Variants in MYRIP observed in about 807,000 individuals in gnomAD.
The protein encoded by MYRIP is myosin VIIA and Rab interacting protein, also known as rab effector MyRIP.
MYRIP carries 49 observed loss-of-function variants against 98.0 expected under a neutral mutation model. The ratio of observed to expected loss-of-function variants is 0.50; its 90% CI spans 0.40 to 0.63. The LOEUF is 0.63. Ranked by LOEUF, MYRIP falls within the 30% of genes least tolerant of loss-of-function variation. The pLI, the probability that MYRIP is intolerant of heterozygous loss-of-function variation, is 0.00. For missense variants in MYRIP, 1,004 were observed against 1,058.2 expected (o/e 0.95, Z 0.71); for synonymous variants, 404 against 409.5 (o/e 0.99, Z 0.16).
At chr3:39,918,633 G>A (rs539751301) in intron 2 of MYRIP, among the ~76,000 whole-genome samples, 68 of 152,270 alleles carry the variant, frequency 4.5e-4, no homozygotes, top group African/African-American at 1.6e-3. Flanking sequence ...GATTAATAGG[G>A]GAAATGGCAT....
At chr3:40,250,548 A>G in intron 15 of MYRIP, 49 bp downstream of exon 15, 1 of 1,598,826 alleles carries the variant, frequency 6.3e-7, no homozygotes, top group Non-Finnish European at 8.6e-7. Flanking sequence ...AGCCTGAATC[A>G]TTTACTTTGG....
At chr3:39,977,582 T>C (rs1410355197) in intron 2 of MYRIP, among the ~76,000 whole-genome samples, 1 of 152,194 alleles carries the variant, frequency 6.6e-6, no homozygotes, top group East Asian at 1.9e-4. Flanking sequence ...TAAAAGTGCT[T>C]GGCATGGTAA....
At chr3:39,960,661 A>G (rs867429027) in intron 2 of MYRIP, among the ~76,000 whole-genome samples, 4 of 152,120 alleles carry the variant, frequency 2.6e-5, no homozygotes, top group Non-Finnish European at 1.5e-5. Context: ...GGCGCCACAT[A>G]TATGTGTTGT....
chr3:40,209,391 G>A (rs1406263412), intron 10 of MYRIP: 5 of 154,496 alleles, frequency 3.2e-5, no homozygotes, highest in African/African-American at 9.6e-5. Flanking sequence ...TAATTATCCT[G>A]ATTTGATCAT....
chr3:40,237,977 T>G (rs1575668076), intron 12 of MYRIP, among the ~76,000 whole-genome samples: 1 of 152,100 alleles, frequency 6.6e-6, no homozygotes, highest in South Asian at 2.1e-4. Context: ...TAATTGTATG[T>G]TTTTTTTCCT....
intron 3 of MYRIP, among the ~76,000 whole-genome samples, chr3:40,052,260 C>T (rs182861122): frequency 1.3e-4 from 20 of 152,100 alleles, no homozygotes; most frequent in African/African-American, 4.3e-4. Context: ...ACTTTTTTAG[C>T]GCCCACATAT....
chr3:40,258,281 G>A lies in MYRIP; in HGVS notation c.*115G>A, dbSNP rs1575691296. ...TCCACCTGAGGAGAAGGCCTGGGGAGGCCACAGTGCACCATTGCACAGGGC... is the reference window on the plus strand; with the variant it reads ...TCCACCTGAGGAGAAGGCCTGGGGAAGCCACAGTGCACCATTGCACAGGGC... On this transcript the variant is annotated 3_prime_UTR_variant, in exon 17 of 17. Transcript: ENST00000302541. 7.9e-7 allele frequency: 1 copy of A among 1,261,774 alleles called. No individual in the cohort carries two copies. Among genetic ancestry groups the A allele is most frequent in the Non-Finnish European group, 1.2e-6 (1 of 866,530 alleles). The allele number at this position is 1,261,774 out of a possible 1,614,324, so 78.2% of individuals were successfully genotyped here. A position where few individuals can be genotyped will look rare whatever the true frequency, so the allele number is the denominator to read the frequency against.
intron 3 of MYRIP, among the ~76,000 whole-genome samples, chr3:40,078,212 CTGCTCCGAG>C (rs1302453788): frequency 3.3e-5 from 5 of 152,242 alleles, no homozygotes; most frequent in Non-Finnish European, 7.3e-5. Context: ...GGCCAGCTGG[CTGCTCCGAG>C]TGCGGCCCGC....
chr3:39,888,928 A>G (rs1260380987), intron 1 of MYRIP, among the ~76,000 whole-genome samples: 4 of 152,208 alleles, frequency 2.6e-5, no homozygotes, highest in African/African-American at 9.6e-5. Flanking sequence ...ACATGAAAAA[A>G]TGCTCACCAT....
chr3:39,987,134 T>A (rs1415101288), intron 2 of MYRIP, among the ~76,000 whole-genome samples: 1 of 152,114 alleles, frequency 6.6e-6, no homozygotes, highest in Admixed American at 6.6e-5. Flanking sequence ...ATTCGTTATT[T>A]GTCCTAATGC....
chr3:39,855,178 C>T (rs555529830), intron 1 of MYRIP, among the ~76,000 whole-genome samples: 13 of 152,296 alleles, frequency 8.5e-5, no homozygotes, highest in South Asian at 2.1e-4. Context: ...TTAGCCAAGA[C>T]GTTGCAGTTA....
At chr3:40,229,592 T>C (rs1952591104) in intron 11 of MYRIP, among the ~76,000 whole-genome samples, 1 of 152,234 alleles carries the variant, frequency 6.6e-6, no homozygotes, top group African/African-American at 2.4e-5. Context: ...GGAAACTCCA[T>C]CTCAGGCTGA....
At chr3:40,147,433 CAT>C (rs756063684) in intron 3 of MYRIP, among the ~76,000 whole-genome samples, 14 of 152,250 alleles carry the variant, frequency 9.2e-5, no homozygotes, top group African/African-American at 2.6e-4. Flanking sequence ...AACAAATGCA[CAT>C]GTCTTGACCG....
At chr3:40,239,529 G>A (rs1434223027) in intron 12 of MYRIP, among the ~76,000 whole-genome samples, 1 of 135,856 alleles carries the variant, frequency 7.4e-6, no homozygotes, top group East Asian at 2.1e-4. Context: ...CACCAACAGT[G>A]TAAAAGTGTT....
chr3:39,904,106 T>C (rs1394479342), intron 2 of MYRIP, among the ~76,000 whole-genome samples: 3 of 152,242 alleles, frequency 2.0e-5, no homozygotes, highest in Admixed American at 6.5e-5. Flanking sequence ...ATGGTTAGGC[T>C]GATTAGACTT....
In MYRIP at chr3:39,939,286, C is replaced by A. The variant is rs181979874; in HGVS notation, c.110+38360C>A. 1.2e-3 allele frequency among the ~76,000 whole-genome samples: 188 copies of A among 152,222 alleles called. 1 individual carries two copies. Among genetic ancestry groups the A allele is most frequent in the African/African-American group, 4.2e-3 (176 of 41,542 alleles). On this transcript the variant is annotated intron_variant, in intron 2 of 16. Transcript: ENST00000302541. ...CATGAAACAGCTCAAGAAAGAGCAGCCAGTTCAAAGCAGAGCTTTCAGCAG... is the reference window on the plus strand; with the variant it reads ...CATGAAACAGCTCAAGAAAGAGCAGACAGTTCAAAGCAGAGCTTTCAGCAG...
At chr3:40,030,268 A>G (rs534085022) in intron 2 of MYRIP, among the ~76,000 whole-genome samples, 70 of 152,268 alleles carry the variant, frequency 4.6e-4, no homozygotes, top group African/African-American at 1.6e-3. Context: ...TCATTAGGGA[A>G]GTGCAAGTCA....
rs368137862 is a variant in MYRIP at position 39,936,304 on chromosome 3, A to C, written c.110+35378A>C. On this transcript the variant is annotated intron_variant, in intron 2 of 16. Coordinates refer to ENST00000302541, the MANE Select transcript of MYRIP (RefSeq NM_015460.4). The stretch of plus-strand genomic sequence containing the variant: ...GAATCCTCAAGATTAATATTTGTGG[A>C]GAATCTGGAAACACTAGCCTTGGCT... Among the ~76,000 whole-genome samples the C allele has an allele frequency of 1.4e-4, 21 of 152,314 alleles. No individual in the cohort carries two copies. In the East Asian group the frequency reaches 3.1e-3, roughly 22 times the overall value.
At chr3:39,946,461 C>A (rs1436253184) in intron 2 of MYRIP, among the ~76,000 whole-genome samples, 2 of 151,872 alleles carry the variant, frequency 1.3e-5, no homozygotes, top group African/African-American at 4.8e-5. Flanking sequence ...TCAGACAAGC[C>A]CTTTAAGAAC....
Sources: allele counts gnomAD v4.1 joint callset (sites outside exome capture counted in the v4.1 genomes callset), GRCh38; gene constraint gnomAD v4.1.1; transcripts MANE v1.5; gene names NCBI Gene and HGNC (gene_info 2026-07-23, HGNC 2026-07-21).